METTL15: variants seen among roughly 807,000 people sequenced by gnomAD.
METTL15 encodes methyltransferase 15, mitochondrial 12S rRNA N4-cytidine.
Under a neutral mutation model 38.3 loss-of-function variants are expected in METTL15, and 34 were observed. The observed-to-expected ratio is 0.89, with a 90% CI of 0.68 to 1.18. The LOEUF (loss-of-function observed/expected upper bound fraction) is 1.18. METTL15 is among the 50% of genes most tolerant of loss of function. The probability of loss-of-function intolerance (pLI) is 0.00; values close to 1 mark genes in which losing one functional copy is unlikely to be tolerated. For synonymous variants in METTL15, 162 were observed against 170.9 expected, an observed-to-expected ratio of 0.95 and a Z score of 0.41; for missense variants, 438 against 498.4, an observed-to-expected ratio of 0.88 and a Z score of 1.15.
chr11:28,116,423 T>G (rs1851960310), intron 3 of METTL15, among the ~76,000 whole-genome samples: 1 of 152,240 alleles, frequency 6.6e-6, no homozygotes, highest in Non-Finnish European at 1.5e-5. Flanking sequence ...ATCAGTTATT[T>G]TTATATCTTT....
At chr11:28,363,402 C>T (rs1184428482) in intron 5 of METTL15, among the ~76,000 whole-genome samples, 4 of 151,978 alleles carry the variant, frequency 2.6e-5, no homozygotes, top group Non-Finnish European at 4.4e-5. Context: ...CTTGAACTCC[C>T]GATCCGTGAT....
intron 5 of METTL15, among the ~76,000 whole-genome samples, chr11:28,403,014 G>C (rs1412513575): frequency 6.6e-6 from 1 of 151,962 alleles, no homozygotes; most frequent in Non-Finnish European, 1.5e-5. Context: ...AGAAATCATT[G>C]TTTCTGCCTG....
intron 3 of METTL15, among the ~76,000 whole-genome samples, chr11:28,167,125 A>G (rs1272548419): frequency 6.6e-6 from 1 of 152,178 alleles, no homozygotes; most frequent in Non-Finnish European, 1.5e-5. Flanking sequence ...TGGAGCTTTC[A>G]GGAACTTTGA....
chr11:28,191,272 T>G (rs959882569), intron 3 of METTL15, among the ~76,000 whole-genome samples: 1 of 151,250 alleles, frequency 6.6e-6, no homozygotes, highest in African/African-American at 2.4e-5. Context: ...TTTATCTGAT[T>G]TGAGTATCAA....
intron 6 of METTL15, among the ~76,000 whole-genome samples, chr11:28,446,900 A>G (rs1009281342): frequency 3.9e-5 from 6 of 152,114 alleles, no homozygotes; most frequent in Non-Finnish European, 8.8e-5. Flanking sequence ...ATATTTTTCT[A>G]TAGAAATACA....
At chr11:28,308,108 C>A (rs1857144491) in intron 6 of METTL15, among the ~76,000 whole-genome samples, 1 of 152,004 alleles carries the variant, frequency 6.6e-6, no homozygotes, top group Admixed American at 6.6e-5. Flanking sequence ...TTGCAGATAT[C>A]ATTTCATTAT....
intron 4 of METTL15, among the ~76,000 whole-genome samples, chr11:28,249,900 T>C (rs1380911270): frequency 1.3e-5 from 2 of 151,930 alleles, no homozygotes; most frequent in Non-Finnish European, 2.9e-5. Context: ...TCAAGTAGGC[T>C]GCAGTGTCTG....
intron 4 of METTL15, among the ~76,000 whole-genome samples, chr11:28,235,999 G>C (rs1440821287): frequency 6.6e-6 from 1 of 151,942 alleles, no homozygotes; most frequent in African/African-American, 2.4e-5. Context: ...CTAATTTATT[G>C]AGAGTTTTTA....
intron 6 of METTL15, among the ~76,000 whole-genome samples, chr11:28,310,963 TGG>T (rs1295890735): frequency 6.0e-4 from 64 of 106,396 alleles, no homozygotes; most frequent in East Asian, 3.2e-3. Context: ...GTGGTGGTGG[TGG>T]GTGTGTGTGT....
At chr11:28,137,289 A>C (rs745479285) in intron 3 of METTL15, among the ~76,000 whole-genome samples, 4 of 152,140 alleles carry the variant, frequency 2.6e-5, no homozygotes, top group Non-Finnish European at 5.9e-5. Context: ...CTTTGTTTAA[A>C]CCTTCAGCTT....
chr11:28,266,353 T>C (rs1321003886), intron 4 of METTL15, among the ~76,000 whole-genome samples: 1 of 152,136 alleles, frequency 6.6e-6, no homozygotes, highest in Non-Finnish European at 1.5e-5. Context: ...ATGTGGCACA[T>C]ATACACCATG....
chr11:28,179,146 A>T (rs572358410), intron 3 of METTL15, among the ~76,000 whole-genome samples: 5 of 151,924 alleles, frequency 3.3e-5, no homozygotes, highest in Admixed American at 3.3e-4. Flanking sequence ...TCTAATCTGG[A>T]AATGTTTTAA....
At chr11:28,448,565 T>C (rs191895778) in intron 6 of METTL15, among the ~76,000 whole-genome samples, 6 of 152,304 alleles carry the variant, frequency 3.9e-5, no homozygotes, top group East Asian at 3.9e-4. Flanking sequence ...GGGGTTAACA[T>C]TGGTAGTTTC....
chr11:28,456,178 A>C (rs60664485), intron 6 of METTL15, among the ~76,000 whole-genome samples: 166 of 148,980 alleles, frequency 1.1e-3, no homozygotes, highest in African/African-American at 4.0e-3. Context: ...GCTAATTTTT[A>C]AAAAAAATTT....
chr11:28,471,368 C>T (rs1851301575), intron 6 of METTL15, among the ~76,000 whole-genome samples: 1 of 152,186 alleles, frequency 6.6e-6, no homozygotes, highest in African/African-American at 2.4e-5. Flanking sequence ...AGGTGTGGTT[C>T]ATTGTGGGAC....
At chr11:28,156,509 A>G (rs1850271420) in intron 3 of METTL15, among the ~76,000 whole-genome samples, 1 of 152,166 alleles carries the variant, frequency 6.6e-6, no homozygotes, top group African/African-American at 2.4e-5. Context: ...TTTCAAATAG[A>G]TAAATATATT....
intron 6 of METTL15, among the ~76,000 whole-genome samples, chr11:28,483,132 C>CA (rs1341956319): frequency 1.8e-4 from 27 of 151,954 alleles, no homozygotes; most frequent in Admixed American, 1.7e-3. Flanking sequence ...GATTTAACAC[C>CA]AAAAAAGAGA....
chr11:28,161,107 C>CTTTTTTT (rs10660185), intron 3 of METTL15, among the ~76,000 whole-genome samples: 119 of 131,900 alleles, frequency 9.0e-4, no homozygotes, highest in African/African-American at 2.1e-3. Context: ...TTGCACCTTC[C>CTTTTTTT]TTTTTTTTTT....
intron 4 of METTL15, among the ~76,000 whole-genome samples, chr11:28,242,903 A>T (rs577159231): frequency 1.3e-5 from 2 of 152,276 alleles, no homozygotes; most frequent in South Asian, 4.1e-4. Context: ...TCTAGACATT[A>T]TATCGCTTTA....
Sources: gnomAD v4.1 joint callset for allele counts (sites outside exome capture counted in the v4.1 genomes callset) on GRCh38, gnomAD v4.1.1 for gene constraint, MANE v1.5 for transcripts, NCBI Gene and HGNC (gene_info 2026-07-23, HGNC 2026-07-21) for gene names.